The following OSBPL3 variants were observed in gnomAD, a reference collection of about 807,000 sequenced individuals.
OSBPL3 encodes the protein oxysterol binding protein like 3, also known as oxysterol-binding protein-related protein 3.
A neutral mutation model predicts 120.1 loss-of-function variants in OSBPL3; 65 were observed. The observed-to-expected ratio is 0.54, with a 90% confidence interval of 0.44 to 0.67. The LOEUF (loss-of-function observed/expected upper bound fraction) is 0.67. OSBPL3 is among the 30% of genes least tolerant of loss of function. OSBPL3 has a pLI of 0.00. For synonymous variants in OSBPL3, 416 were observed against 402.6 expected (o/e 1.03, Z -0.40); for missense variants, 1,004 against 1,082.1 (o/e 0.93, Z 1.01).
chr7:24,829,477 A>G (rs1412795313), intron 16 of OSBPL3, among the ~76,000 whole-genome samples: 1 of 152,208 alleles, frequency 6.6e-6, no homozygotes. Flanking sequence ...CACTATCATC[A>G]TAAGTCTCTC....
In OSBPL3 at chr7:24,798,518, G is replaced by A. The variant is rs1456568076; in HGVS notation, c.*1665C>T. 4 of 152,206 alleles carry A rather than the reference G, an allele frequency of 2.6e-5. No homozygotes were observed. Among genetic ancestry groups the A allele is most frequent in the African/African-American group, 9.7e-5 (4 of 41,450 alleles). 9.4% of individuals were successfully genotyped at this position (152,206 alleles called of 1,614,324 possible). A position where few individuals can be genotyped will look rare whatever the true frequency, so the allele number is the denominator to read the frequency against. On this transcript the variant is annotated 3_prime_UTR_variant, in exon 23 of 23. Coordinates refer to ENST00000313367, the MANE Select transcript of OSBPL3 (RefSeq NM_015550.4). This position sits in a 1 kb window ranked among gnomAD's most constrained non-coding sequence, Gnocchi z 4.6. ...TAGAAATGGAAATGATATTCACATT[G>A]TGTTCATCTTGGCATCTCGATAAAA... is the stretch of plus-strand genomic sequence containing the variant.
chr7:24,931,786 TAAAG>T, intron 1 of OSBPL3, among the ~76,000 whole-genome samples: 1 of 151,788 alleles, frequency 6.6e-6, no homozygotes, highest in Middle Eastern at 3.4e-3. Flanking sequence ...TGTAAGGAAA[TAAAG>T]AGAAGTATGA....
intron 1 of OSBPL3, among the ~76,000 whole-genome samples, chr7:24,954,693 A>G (rs1814836241): frequency 6.6e-6 from 1 of 152,238 alleles, no homozygotes; most frequent in Admixed American, 6.5e-5. Flanking sequence ...GTTGAAAAGA[A>G]TTAAAGATGT....
intron 13 of OSBPL3, 41 bp downstream of exon 13, chr7:24,842,238 G>C (rs375481469): frequency 6.3e-6 from 10 of 1,597,262 alleles, no homozygotes; most frequent in African/African-American, 1.3e-5. Context: ...AAAGCAACAA[G>C]AGAGATTTTT....
intron 1 of OSBPL3, among the ~76,000 whole-genome samples, chr7:24,941,557 T>A (rs754246181): frequency 1.3e-5 from 2 of 152,194 alleles, no homozygotes; most frequent in African/African-American, 4.8e-5. Context: ...CTCCTCTCTA[T>A]GCAAAGACCT....
intron 1 of OSBPL3, among the ~76,000 whole-genome samples, chr7:24,926,775 C>T (rs1469533762): frequency 6.6e-6 from 1 of 152,202 alleles, no homozygotes; most frequent in African/African-American, 2.4e-5. Flanking sequence ...TACTTACATG[C>T]TTCTCTCCTA....
At position 24,883,862 on chromosome 7, in the gene OSBPL3, A is replaced by G. The variant is rs1804072108; in HGVS notation, c.96+8515T>C. ...GATATCAAATGTTTGTTTGTGTCTT[A>G]TAAGACTTACTCAGAGTGGAAATAT... On this transcript the variant is annotated intron_variant, in intron 2 of 22. Coordinates refer to ENST00000313367, the MANE Select transcript of OSBPL3 (RefSeq NM_015550.4). This position sits in a 1 kb window ranked among gnomAD's most constrained non-coding sequence, Gnocchi z 5.4. Among the ~76,000 whole-genome samples, 1 of 152,298 alleles carries G rather than the reference A, an allele frequency of 6.6e-6. No individual in the cohort carries two copies. The highest frequency in any genetic ancestry group is 6.5e-5 in the Admixed American group (1 of 15,300).
At chr7:24,885,090 T>C (rs1804297523) in intron 2 of OSBPL3, among the ~76,000 whole-genome samples, 3 of 151,784 alleles carry the variant, frequency 2.0e-5, no homozygotes, top group Non-Finnish European at 4.4e-5. Context: ...GTACTACAGG[T>C]GCACACCTGT....
chr7:24,880,250 A>T (rs1803468849), intron 2 of OSBPL3, among the ~76,000 whole-genome samples: 1 of 152,200 alleles, frequency 6.6e-6, no homozygotes, highest in South Asian at 2.1e-4. Flanking sequence ...GCAAGATCAC[A>T]AACTATTAAG....
chr7:24,960,663 A>G (rs1186673241), intron 1 of OSBPL3, among the ~76,000 whole-genome samples: 2 of 152,192 alleles, frequency 1.3e-5, no homozygotes, highest in Non-Finnish European at 2.9e-5. Context: ...AAAGAAAAAT[A>G]AAAAGATGTG....
intron 10 of OSBPL3, among the ~76,000 whole-genome samples, chr7:24,857,642 A>G (rs942762242): frequency 2.6e-5 from 4 of 152,244 alleles, no homozygotes; most frequent in African/African-American, 9.6e-5. Context: ...TAGCCAGTAC[A>G]GAGGGAGCTC....
rs1373445573 is a variant in OSBPL3, at chr7:24,851,352, T to G, written c.1158+1152A>C. On this transcript the variant is annotated intron_variant, in intron 11 of 22. Coordinates refer to ENST00000313367, the MANE Select transcript of OSBPL3 (RefSeq NM_015550.4). The surrounding 1 kb of genome is among the most constrained non-coding windows in gnomAD (Gnocchi z 4.1). Reference sequence around the variant, plus strand: ...CAAGCCAATGTTATTTTTAATTTCTTTTGAAGATAGCATACTTGTAATGGT... The same window carrying G: ...CAAGCCAATGTTATTTTTAATTTCTGTTGAAGATAGCATACTTGTAATGGT... Among the ~76,000 whole-genome samples, 1 of 152,238 alleles carries G rather than the reference T, an allele frequency of 6.6e-6. No homozygotes were observed. Among genetic ancestry groups the G allele is most frequent in the Non-Finnish European group, 1.5e-5 (1 of 68,040 alleles).
chr7:24,915,531 CCTTT>C (rs1464147481), intron 1 of OSBPL3, among the ~76,000 whole-genome samples: 1 of 142,156 alleles, frequency 7.0e-6, no homozygotes, highest in Non-Finnish European at 1.5e-5. Context: ...ACCCAAAACC[CCTTT>C]CTTTAAAAAA....
rs1267798501 is a variant in OSBPL3, at chr7:24,854,489, T to TACACAC, written c.1028-1861_1028-1856dup. ...ATCTTAACAAAGTCACAACAATTTGTACACACACACACGCACACACACACA... is the reference window on the plus strand; with the variant it reads ...ATCTTAACAAAGTCACAACAATTTGTACACACACACACACACACGCACACACACACA... On this transcript the variant is annotated intron_variant, in intron 10 of 22. Transcript: ENST00000313367. This position sits in a 1 kb window ranked among gnomAD's most constrained non-coding sequence, Gnocchi z 4.1. Among the ~76,000 whole-genome samples, 5 of 127,498 alleles carry TACACAC rather than the reference T, an allele frequency of 3.9e-5. No homozygotes were observed. The highest frequency in any genetic ancestry group is 1.3e-4 in the African/African-American group (4 of 31,276). 83.6% of individuals were successfully genotyped at this position (127,498 alleles called of 152,430 possible).
intron 1 of OSBPL3, among the ~76,000 whole-genome samples, chr7:24,960,497 T>C (rs993694487): frequency 4.6e-5 from 7 of 152,116 alleles, no homozygotes. Flanking sequence ...AACTCAATTA[T>C]CTGTGCTAAT....
intron 1 of OSBPL3, among the ~76,000 whole-genome samples, chr7:24,942,726 T>C (rs1452240023): frequency 6.6e-6 from 1 of 152,218 alleles, no homozygotes; most frequent in Non-Finnish European, 1.5e-5. Flanking sequence ...GTATATTTTA[T>C]AACACCTCCA....
In OSBPL3 at chr7:24,872,730, C is replaced by T. The variant is rs778388095; in HGVS notation, c.97-661G>A. Among the ~76,000 whole-genome samples the T allele has an allele frequency of 6.6e-6, 1 of 151,900 alleles. No homozygotes were observed. The highest frequency in any genetic ancestry group is 1.5e-5 in the Non-Finnish European group (1 of 67,982). The stretch of plus-strand genomic sequence containing the variant: ...GTTTCAAAAACTTTTCTTTCTTTGG[C>T]CAATTATTACAAATAGTTGTTACAA... On this transcript the variant is annotated intron_variant, in intron 2 of 22. Transcript: ENST00000313367. This position sits in a 1 kb window ranked among gnomAD's most constrained non-coding sequence, Gnocchi z 4.1.
intron 12 of OSBPL3, among the ~76,000 whole-genome samples, chr7:24,846,450 C>T (rs959310465): frequency 6.6e-6 from 1 of 152,084 alleles, no homozygotes; most frequent in Non-Finnish European, 1.5e-5. Context: ...AAATGCATGC[C>T]GATATAGCAA....
Position 24,932,384 on chromosome 7 carries a change from C to G in OSBPL3, c.-149-39763G>C, listed in dbSNP as rs913430649. ...AGCAAGAGAACACCACCAACACAAA[C>G]CAGGATCATAAACATCCTAGAGAAA... is the stretch of plus-strand genomic sequence containing the variant. On this transcript the variant is annotated intron_variant, in intron 1 of 22. Transcript: ENST00000313367. This position sits in a 1 kb window ranked among gnomAD's most constrained non-coding sequence, Gnocchi z 5.6. Among the ~76,000 whole-genome samples the G allele has an allele frequency of 6.6e-6, 1 of 152,106 alleles. No individual in the cohort carries two copies. Among genetic ancestry groups the G allele is most frequent in the African/African-American group, 2.4e-5 (1 of 41,428 alleles).
Sources: allele counts gnomAD v4.1 joint callset (sites outside exome capture counted in the v4.1 genomes callset), GRCh38; gene constraint gnomAD v4.1.1; non-coding constraint Gnocchi (gnomAD v3.1); transcripts MANE v1.5; gene names NCBI Gene and HGNC (gene_info 2026-07-23, HGNC 2026-07-21).